Variants in GNAL observed in about 807,000 individuals in gnomAD.
GNAL encodes G protein subunit alpha L.
Under a neutral mutation model 55.1 loss-of-function variants are expected in GNAL, and 18 were observed. The ratio of observed to expected loss-of-function variants is 0.33; its 90% CI spans 0.23 to 0.48. The LOEUF is 0.48. Ranked by LOEUF, GNAL falls within the 20% of genes least tolerant of loss-of-function variation. The pLI is 0.99. For missense variants in GNAL, 412 were observed against 614.1 expected (o/e 0.67, Z 3.48); for synonymous variants, 253 against 237.0 (o/e 1.07, Z -0.62).
At chr18:11,779,088 G>C (rs968393918) in intron 4 of GNAL, among the ~76,000 whole-genome samples, 3 of 152,162 alleles carry the variant, frequency 2.0e-5, no homozygotes, top group African/African-American at 7.2e-5. Context: ...ACAGCACGTA[G>C]AGGTGAGGAA....
chr18:11,767,400 C>T (rs1195830529), intron 4 of GNAL, among the ~76,000 whole-genome samples: 1 of 151,928 alleles, frequency 6.6e-6, no homozygotes, highest in Non-Finnish European at 1.5e-5. Context: ...CTCTGAGCAC[C>T]CTTATACTTG....
rs955672389 is a variant in GNAL at position 11,751,801 on chromosome 18, C to G, written c.377-1052C>G. The G allele has an allele frequency of 3.1e-6, 1 of 325,836 alleles. No individual in the cohort carries two copies. Among genetic ancestry groups the G allele is most frequent in the South Asian group, 1.2e-4 (1 of 8,262 alleles). The allele number at this position is 325,836 out of a possible 1,614,324, so 20.2% of individuals were successfully genotyped here. ...TCCGAGAGCTCCGGGACCAGCGGCC[C>G]GGCCGCCCCCAAAGCCAGCCTCCCT... On this transcript the variant is annotated intron_variant, in intron 1 of 11. Transcript: ENST00000334049. The surrounding 1 kb of genome is among the most constrained non-coding windows in gnomAD (Gnocchi z 4.5).
chr18:11,782,009 A>T (rs1598452779), intron 4 of GNAL, among the ~76,000 whole-genome samples: 1 of 152,244 alleles, frequency 6.6e-6, no homozygotes, highest in African/African-American at 2.4e-5. Flanking sequence ...TATCCACACA[A>T]TAAAATATTC....
intron 5 of GNAL, chr18:11,852,527 C>T (rs183254172): frequency 5.2e-6 from 1 of 193,770 alleles, no homozygotes; most frequent in African/African-American, 2.4e-5. Flanking sequence ...GGAAAGATTA[C>T]TTAGTTTGGT....
At chr18:11,768,328 C>T (rs1211044399) in intron 4 of GNAL, among the ~76,000 whole-genome samples, 3 of 152,178 alleles carry the variant, frequency 2.0e-5, no homozygotes, top group Non-Finnish European at 2.9e-5. Flanking sequence ...AGGCCGGGCA[C>T]CGTGGCTCAC....
intron 5 of GNAL, 46 bp downstream of exon 5, chr18:11,825,061 A>C: frequency 9.4e-6 from 9 of 961,356 alleles, no homozygotes; most frequent in Non-Finnish European, 1.3e-5. Context: ...GAAGAATATG[A>C]TTGCATGCAT....
chr18:11,855,774 A>G (rs2035992040), intron 5 of GNAL, among the ~76,000 whole-genome samples: 1 of 152,152 alleles, frequency 6.6e-6, no homozygotes, highest in Non-Finnish European at 1.5e-5. Context: ...GAAGTTCGAG[A>G]CCAGCCTGAC....
chr18:11,788,721 A>G (rs1206179570), intron 4 of GNAL, among the ~76,000 whole-genome samples: 1 of 150,962 alleles, frequency 6.6e-6, no homozygotes, highest in African/African-American at 2.4e-5. Flanking sequence ...AACATGGTGA[A>G]ACCCCGTCTC....
rs572251989 is a variant in GNAL, at chr18:11,794,652, G to A, written c.625-30266G>A. ...CTGATGAAAATGCCTTTCAACTAGA[G>A]GGGCAGTTACACAACGCTGTAAATA... is the stretch of plus-strand genomic sequence containing the variant. On this transcript the variant is annotated intron_variant, in intron 4 of 11. Transcript: ENST00000334049. 4.6e-5 allele frequency among the ~76,000 whole-genome samples: 7 copies of A among 151,600 alleles called. No individual in the cohort carries two copies. In the South Asian group the frequency reaches 6.2e-4, roughly 14 times the overall value.
At chr18:11,823,071 C>T (rs1432445923) in intron 4 of GNAL, among the ~76,000 whole-genome samples, 3 of 152,104 alleles carry the variant, frequency 2.0e-5, no homozygotes, top group Admixed American at 6.5e-5. Context: ...ACTGGAAGAC[C>T]CATCACCATG....
intron 4 of GNAL, among the ~76,000 whole-genome samples, chr18:11,771,717 G>T (rs963949624): frequency 6.6e-6 from 1 of 151,374 alleles, no homozygotes; most frequent in Admixed American, 6.6e-5. Context: ...AAATTTTTTT[G>T]TTGTTTGTTT....
chr18:11,778,368 A>G (rs1470548662), intron 4 of GNAL, among the ~76,000 whole-genome samples: 1 of 152,114 alleles, frequency 6.6e-6, no homozygotes, highest in African/African-American at 2.4e-5. Flanking sequence ...TACTCCTGCT[A>G]TTTTTAGTTA....
At chr18:11,846,464 TACACACAC>T (rs57334090) in intron 5 of GNAL, among the ~76,000 whole-genome samples, 11 of 140,096 alleles carry the variant, frequency 7.9e-5, no homozygotes, top group African/African-American at 1.6e-4. Flanking sequence ...TATATAAATA[TACACACAC>T]ACACACACAC....
rs562746140 is a variant in GNAL, at chr18:11,851,923, A to C, written c.723-10472A>C. On this transcript the variant is annotated intron_variant, in intron 5 of 11. Coordinates refer to ENST00000334049, the MANE Select transcript of GNAL (RefSeq NM_182978.4). ...GCAGCAAATGGAAGACACGATGAGC[A>C]GCACGACGACGCTCACCACTCCCCA... is the stretch of plus-strand genomic sequence containing the variant. 17 of 1,613,934 alleles carry C rather than the reference A, an allele frequency of 1.1e-5. No individual in the cohort carries two copies. In the African/African-American group the frequency reaches 1.5e-4, roughly 14 times the overall value.
At chr18:11,768,962 TA>T (rs1475570053) in intron 4 of GNAL, among the ~76,000 whole-genome samples, 2 of 102,266 alleles carry the variant, frequency 2.0e-5, no homozygotes, top group Non-Finnish European at 3.5e-5. Flanking sequence ...ATGTTATATA[TA>T]ATATATTATA....
intron 4 of GNAL, among the ~76,000 whole-genome samples, chr18:11,791,669 A>G (rs1466393257): frequency 2.0e-5 from 3 of 152,248 alleles, no homozygotes; most frequent in Non-Finnish European, 4.4e-5. Context: ...ATATTAGAGA[A>G]TAACAGAGTT....
At chr18:11,779,921 G>T (rs909722532) in intron 4 of GNAL, among the ~76,000 whole-genome samples, 5 of 152,144 alleles carry the variant, frequency 3.3e-5, no homozygotes, top group Admixed American at 3.3e-4. Flanking sequence ...TCAACCTGGG[G>T]TTGTTTTTTC....
intron 1 of GNAL, among the ~76,000 whole-genome samples, chr18:11,693,567 C>A (rs183194075): frequency 5.3e-5 from 8 of 152,208 alleles, no homozygotes; most frequent in Admixed American, 4.6e-4. Context: ...AGAAATATGA[C>A]TTATTGACCA....
rs116962392 is a variant in GNAL at position 11,794,370 on chromosome 18, A to G, written c.625-30548A>G. Among the ~76,000 whole-genome samples, 801 of 152,356 alleles carry G rather than the reference A, an allele frequency of 5.3e-3. 5 individuals are homozygous for G. Among genetic ancestry groups the G allele is most frequent in the Middle Eastern group, 0.041 (12 of 294 alleles). ...TGAATGGATAAACAAAATGTCTTCT[A>G]TCCGTGCAAGGGAATATTACTCAGC... On this transcript the variant is annotated intron_variant, in intron 4 of 11. Transcript: ENST00000334049.
Sources: allele counts gnomAD v4.1 joint callset (sites outside exome capture counted in the v4.1 genomes callset), GRCh38; gene constraint gnomAD v4.1.1; non-coding constraint Gnocchi (gnomAD v3.1); transcripts MANE v1.5; gene names NCBI Gene and HGNC (gene_info 2026-07-23, HGNC 2026-07-21).